Variants in H2BK1 observed in about 807,000 individuals in gnomAD.
H2BK1 encodes H2B.K variant histone 1.
the H2BK1 span, among the ~76,000 whole-genome samples, chr7:151,209,872 C>G: frequency 6.6e-6 from 1 of 152,226 alleles, no homozygotes; most frequent in Non-Finnish European, 1.5e-5. Context: ...CACCTGATCA[C>G]CTTCAGCCTG....
the H2BK1 span, chr7:151,210,442 AGGGGCGT>A: frequency 2.6e-6 from 1 of 388,582 alleles, no homozygotes; most frequent in Non-Finnish European, 4.5e-6. Flanking sequence ...GTGGGAGGTA[AGGGGCGT>A]GACTCAATCC....
chr7:151,208,483 A>G, the H2BK1 span, among the ~76,000 whole-genome samples: 4 of 152,170 alleles, frequency 2.6e-5, no homozygotes, highest in African/African-American at 9.7e-5. Flanking sequence ...ACTTCCTAAC[A>G]CCATTCCTCT....
chr7:151,210,419 G>C, the H2BK1 span: 53 of 172,592 alleles, frequency 3.1e-4, 1 homozygote, highest in South Asian at 1.5e-3. Flanking sequence ...CCTGGGAGGG[G>C]GGGGGGGGGC....
the H2BK1 span, chr7:151,207,965 T>C: frequency 2.1e-6 from 3 of 1,411,624 alleles, no homozygotes; most frequent in Non-Finnish European, 3.0e-6. Context: ...CACAGCCGTC[T>C]GGACTTCTCG....
the H2BK1 span, chr7:151,210,356 G>C: frequency 2.8e-6 from 1 of 359,494 alleles, no homozygotes; most frequent in South Asian, 1.4e-4. Flanking sequence ...CACCCCCTTG[G>C]AGCTACTTTT....
At chr7:151,207,841 G>T in the H2BK1 span, 1 of 816,254 alleles carries the variant, frequency 1.2e-6, no homozygotes, top group Non-Finnish European at 2.1e-6. Context: ...CACAGAAACA[G>T]TTCACCCTTT....
At chr7:151,210,000 G>A in the H2BK1 span, among the ~76,000 whole-genome samples, 1 of 152,144 alleles carries the variant, frequency 6.6e-6, no homozygotes, top group Non-Finnish European at 1.5e-5. Context: ...TCCTATCACC[G>A]GTGCCCAAGA....
At chr7:151,207,992 C>T in the H2BK1 span, 24 of 1,528,854 alleles carry the variant, frequency 1.6e-5, no homozygotes, top group Middle Eastern at 1.7e-4. Flanking sequence ...CAGGGTGGTC[C>T]GGCCCGAGTA....
At chr7:151,208,474 C>A in the H2BK1 span, among the ~76,000 whole-genome samples, 1 of 152,240 alleles carries the variant, frequency 6.6e-6, no homozygotes, top group Non-Finnish European at 1.5e-5. Context: ...ATGTATCATA[C>A]TTCCTAACAC....
At chr7:151,210,446 G>A in the H2BK1 span, 1 of 395,710 alleles carries the variant, frequency 2.5e-6, no homozygotes, top group Non-Finnish European at 4.4e-6. Context: ...GAGGTAAGGG[G>A]CGTGACTCAA....
At chr7:151,208,404 C>T in the H2BK1 span, among the ~76,000 whole-genome samples, 11 of 152,234 alleles carry the variant, frequency 7.2e-5, no homozygotes, top group African/African-American at 2.7e-4. Flanking sequence ...CAAATGGGAC[C>T]AGTTACACAT....
chr7:151,208,836 T>C, the H2BK1 span, among the ~76,000 whole-genome samples: 1 of 152,154 alleles, frequency 6.6e-6, no homozygotes. Flanking sequence ...CTAAAGCAAA[T>C]GGGAACTGAT....
At chr7:151,210,156 T>C in the H2BK1 span, 1 of 398,948 alleles carries the variant, frequency 2.5e-6, no homozygotes, top group Middle Eastern at 6.3e-4. Flanking sequence ...TGTGAGGGCA[T>C]CCCTCACACA....
chr7:151,208,189 G>C, the H2BK1 span: 15 of 1,439,322 alleles, frequency 1.0e-5, no homozygotes, highest in Admixed American at 2.6e-4. Context: ...CCTCAGCCCT[G>C]AGCTGGGGGC....
chr7:151,209,609 G>A, the H2BK1 span, among the ~76,000 whole-genome samples: 3 of 152,134 alleles, frequency 2.0e-5, no homozygotes, highest in African/African-American at 4.8e-5. Context: ...TTGGGGAGAC[G>A]GACACACAGG....
the H2BK1 span, among the ~76,000 whole-genome samples, chr7:151,209,916 A>T: frequency 1.3e-5 from 2 of 152,146 alleles, no homozygotes; most frequent in African/African-American, 4.8e-5. Context: ...TCCTTTAATT[A>T]TGTCCCACCT....
the H2BK1 span, among the ~76,000 whole-genome samples, chr7:151,209,527 T>C: frequency 7.4e-3 from 1,133 of 152,286 alleles, 12 homozygotes; most frequent in African/African-American, 0.025. Flanking sequence ...GACAAATTGA[T>C]TGTCAGTGTT....
At chr7:151,208,894 G>C in the H2BK1 span, among the ~76,000 whole-genome samples, 27 of 152,294 alleles carry the variant, frequency 1.8e-4, no homozygotes, top group African/African-American at 6.5e-4. Flanking sequence ...TGTGAAGTGG[G>C]AGAGAAGTGA....
chr7:151,210,286 G>A, the H2BK1 span: 86 of 399,144 alleles, frequency 2.2e-4, 1 homozygote, highest in East Asian at 2.5e-3. Context: ...CACGGCCCCC[G>A]GGCTGCTGCC....
Sources: allele counts gnomAD v4.1 joint callset (sites outside exome capture counted in the v4.1 genomes callset), GRCh38; gene constraint gnomAD v4.1.1; transcripts MANE v1.5; gene names NCBI Gene and HGNC (gene_info 2026-07-23, HGNC 2026-07-21).